PHTF2: variants seen among roughly 807,000 people sequenced by gnomAD.
PHTF2 encodes putative homeodomain transcription factor 2.
In PHTF2, 60 loss-of-function variants were observed where a neutral mutation model predicts 101.2. That is an observed-to-expected ratio of 0.59 (90% CI 0.48 to 0.73). The LOEUF (loss-of-function observed/expected upper bound fraction) is 0.73. PHTF2 is among the 30% of genes least tolerant of loss of function. The pLI is 0.00. For missense variants in PHTF2, 747 were observed against 908.7 expected (o/e 0.82, Z 2.29); for synonymous variants, 311 against 307.3 (o/e 1.01, Z -0.13).
intron 1 of PHTF2, among the ~76,000 whole-genome samples, chr7:77,808,167 C>T (rs1793140876): frequency 6.6e-6 from 1 of 152,036 alleles, no homozygotes; most frequent in Non-Finnish European, 1.5e-5. Flanking sequence ...TATTTGGGGT[C>T]CCTTAAGATT....
intron 1 of PHTF2, among the ~76,000 whole-genome samples, chr7:77,828,995 G>C (rs1354835364): frequency 6.6e-6 from 1 of 152,006 alleles, no homozygotes; most frequent in East Asian, 1.9e-4. Flanking sequence ...ACAACAAAGT[G>C]AGACCCGGCC....
chr7:77,888,305 G>C (rs374391682), intron 3 of PHTF2, among the ~76,000 whole-genome samples: 1 of 152,090 alleles, frequency 6.6e-6, no homozygotes, highest in Admixed American at 6.6e-5. Context: ...TAGTAGAGAC[G>C]GGGTTTCACC....
At chr7:77,945,809 AAGTAGTTTAAAATTTT>A (rs1296629687) in intron 16 of PHTF2, among the ~76,000 whole-genome samples, 1 of 152,186 alleles carries the variant, frequency 6.6e-6, no homozygotes. Flanking sequence ...CTGTAACTGT[AAGTAGTTTAAAATTTT>A]AGTAGTTTAA....
chr7:77,925,495 G>GTTTTTTTTTTTTTTTTTTTTTTTTTTTT (rs58290945), intron 11 of PHTF2, among the ~76,000 whole-genome samples: 2 of 73,166 alleles, frequency 2.7e-5, no homozygotes, highest in African/African-American at 1.2e-4. Context: ...AGTTTTTAGG[G>GTTTTTTTTTTTTTTTTTTTTTTTTTTTT]TTTTTTTTTT....
chr7:77,846,655 T>G (rs889166103), intron 2 of PHTF2, among the ~76,000 whole-genome samples: 9 of 138,214 alleles, frequency 6.5e-5, no homozygotes, highest in African/African-American at 2.4e-4. Flanking sequence ...TTCCGTTCCC[T>G]TCTCTTCCTG....
In PHTF2 at chr7:77,826,764, TAGC is replaced by T. The variant is rs1262964501; in HGVS notation, c.-35-13454_-35-13452del. Among the ~76,000 whole-genome samples the T allele has an allele frequency of 2.6e-5, 4 of 152,162 alleles. No individual in the cohort carries two copies. The East Asian group carries it at 7.7e-4, about 29-fold the overall frequency. ...GGATGATGGAATAATGGGTGTCAAT[TAGC>T]AGTCTCTGCCATGCCAACCAAGTGG... is the stretch of plus-strand genomic sequence containing the variant. On this transcript the variant is annotated intron_variant, in intron 1 of 19. Transcript: ENST00000416283.
At chr7:77,915,620 A>G (rs953711898) in intron 9 of PHTF2, among the ~76,000 whole-genome samples, 1 of 152,142 alleles carries the variant, frequency 6.6e-6, no homozygotes, top group Non-Finnish European at 1.5e-5. Context: ...ATTTTCACTG[A>G]TTTCATCTTA....
At chr7:77,898,879 A>G (rs955209256) in intron 5 of PHTF2, among the ~76,000 whole-genome samples, 7 of 151,986 alleles carry the variant, frequency 4.6e-5, no homozygotes, top group South Asian at 2.1e-4. Flanking sequence ...GTTTATGGCA[A>G]CCTCCAACCC....
At chr7:77,854,823 A>G in exon 3 of PHTF2, 1 of 759,076 alleles carries the variant, frequency 1.3e-6, no homozygotes, top group Non-Finnish European at 2.4e-6. Flanking sequence ...AGGGCTCTTC[A>G]TTCAGTGTTT....
exon 20 of PHTF2, chr7:77,956,630 T>A (rs967207812): frequency 6.6e-6 from 1 of 152,564 alleles, no homozygotes; most frequent in Admixed American, 6.5e-5. Context: ...AATGTTGAGG[T>A]TGTTTTTAGG....
chr7:77,828,114 C>T (rs1007005021), intron 1 of PHTF2, among the ~76,000 whole-genome samples: 6 of 152,290 alleles, frequency 3.9e-5, no homozygotes, highest in African/African-American at 7.2e-5. Context: ...TAATTTAGAA[C>T]GTTTCTGCTG....
chr7:77,954,290 C>T (rs6465914), intron 19 of PHTF2, among the ~76,000 whole-genome samples: 2,980 of 151,970 alleles, frequency 0.02, 80 homozygotes, highest in African/African-American at 0.067. Context: ...TGCACCACCA[C>T]GCCTGGCCAA....
chr7:77,824,742 G>A (rs1794574951), intron 1 of PHTF2, among the ~76,000 whole-genome samples: 1 of 152,052 alleles, frequency 6.6e-6, no homozygotes, highest in Non-Finnish European at 1.5e-5. Context: ...AATGTTAAAA[G>A]AAGTAAAATG....
At chr7:77,889,049 G>A (rs539803714) in intron 3 of PHTF2, among the ~76,000 whole-genome samples, 47 of 152,258 alleles carry the variant, frequency 3.1e-4, no homozygotes, top group African/African-American at 1.0e-3. Context: ...AACCTGTCCC[G>A]TTATTTTTTA....
At chr7:77,912,870 C>T (rs1802540573) in intron 9 of PHTF2, among the ~76,000 whole-genome samples, 1 of 151,422 alleles carries the variant, frequency 6.6e-6, no homozygotes, top group African/African-American at 2.4e-5. Flanking sequence ...GTAGCTGGGA[C>T]TATAGGCATT....
At chr7:77,911,060 C>T (rs775901108) in intron 9 of PHTF2, among the ~76,000 whole-genome samples, 1 of 152,034 alleles carries the variant, frequency 6.6e-6, no homozygotes, top group Non-Finnish European at 1.5e-5. Context: ...GTTCTTGCCT[C>T]AATTATCCAA....
chr7:77,835,140 G>C (rs928591961), intron 1 of PHTF2, among the ~76,000 whole-genome samples: 1 of 152,018 alleles, frequency 6.6e-6, no homozygotes, highest in African/African-American at 2.4e-5. Flanking sequence ...CAGGCGTGGT[G>C]GTGGGCGCCT....
chr7:77,940,307 G>T lies in PHTF2; in HGVS notation c.1740+5G>T. Reference sequence around the variant, plus strand: ...GCAGAAAGAACTTATAAACAGGTGGGTATAATGTAGACTTCCGAATAAGAA... The same window carrying T: ...GCAGAAAGAACTTATAAACAGGTGGTTATAATGTAGACTTCCGAATAAGAA... On this transcript the variant is annotated splice_donor_5th_base_variant and intron_variant, in intron 14 of 19. Transcript: ENST00000416283. 2 of 1,589,296 alleles carry T rather than the reference G, an allele frequency of 1.3e-6. No homozygotes were observed. The highest frequency in any genetic ancestry group is 1.7e-6 in the Non-Finnish European group (2 of 1,169,634).
At chr7:77,921,223 A>G (rs1369997198) in intron 10 of PHTF2, among the ~76,000 whole-genome samples, 1 of 152,124 alleles carries the variant, frequency 6.6e-6, no homozygotes, top group Non-Finnish European at 1.5e-5. Context: ...TTTGTTTTTA[A>G]TCTGGAAAAA....
Sources: gnomAD v4.1 joint callset for allele counts (sites outside exome capture counted in the v4.1 genomes callset) on GRCh38, gnomAD v4.1.1 for gene constraint, MANE v1.5 for transcripts, NCBI Gene and HGNC (gene_info 2026-07-23, HGNC 2026-07-21) for gene names.